The following UGGT1 variants were observed in gnomAD, a reference collection of about 807,000 sequenced individuals.
UGGT1 encodes the protein UDP-glucose glycoprotein glucosyltransferase 1, also known as UDP-glucose:glycoprotein glucosyltransferase 1.
UGGT1 carries 107 observed loss-of-function variants against 203.9 expected under a neutral mutation model. The ratio of observed to expected loss-of-function variants is 0.52; its 90% CI spans 0.45 to 0.62. The LOEUF (loss-of-function observed/expected upper bound fraction) is 0.62. Ranked by LOEUF, UGGT1 falls within the 20% of genes least tolerant of loss-of-function variation. The pLI is 0.00. For synonymous variants in UGGT1, 628 were observed against 653.5 expected, an observed-to-expected ratio of 0.96 and a Z score of 0.59; for missense variants, 1,673 against 1,867.2, an observed-to-expected ratio of 0.90 and a Z score of 1.92.
At chr2:128,188,140 C>T (rs1692079917) in intron 40 of UGGT1, among the ~76,000 whole-genome samples, 1 of 151,734 alleles carries the variant, frequency 6.6e-6, no homozygotes, top group African/African-American at 2.4e-5. Context: ...CATGCCTCAG[C>T]CTCCCAAGTA....
rs534806565 is a variant in UGGT1, at chr2:128,179,266, C to T, written c.3816-520C>T. ...CTAAAATAGTGACAATAATAACAAC[C>T]GAATTTGGTTAAATTCCTCCATTCA... On this transcript the variant is annotated intron_variant, in intron 34 of 40. Transcript: ENST00000259253. Among the ~76,000 whole-genome samples the T allele has an allele frequency of 7.2e-5, 11 of 152,210 alleles. No individual in the cohort carries two copies. The East Asian group carries it at 7.7e-4, about 11-fold the overall frequency.
chr2:128,157,249 C>A lies in UGGT1; in HGVS notation c.2261-3C>A, dbSNP rs1468580632. The A allele has an allele frequency of 6.2e-7, 1 of 1,612,566 alleles. No individual in the cohort carries two copies. Among genetic ancestry groups the A allele is most frequent in the East Asian group, 2.2e-5 (1 of 44,872 alleles). ...TCAATTAGCTGTTTTTGTTTTTCTA[C>A]AGATGATTCTTTTATTAGGCCAGTA... is the stretch of plus-strand genomic sequence containing the variant. On this transcript the variant is annotated splice_polypyrimidine_tract_variant and splice_region_variant and intron_variant, in intron 21 of 40. Coordinates refer to ENST00000259253, the MANE Select transcript of UGGT1 (RefSeq NM_020120.4).
chr2:128,135,343 T>C (rs1689082923), intron 15 of UGGT1, among the ~76,000 whole-genome samples: 2 of 152,266 alleles, frequency 1.3e-5, no homozygotes, highest in Non-Finnish European at 2.9e-5. Flanking sequence ...ACACAGCCTT[T>C]TGTAGATGCA....
chr2:128,119,324 G>C (rs2105385387), intron 8 of UGGT1, among the ~76,000 whole-genome samples: 1 of 152,160 alleles, frequency 6.6e-6, no homozygotes, highest in African/African-American at 2.4e-5. Flanking sequence ...GGGCGCGGTA[G>C]CTCACGCCTG....
chr2:128,131,182 G>A (rs1425794394), intron 13 of UGGT1, among the ~76,000 whole-genome samples: 1 of 140,636 alleles, frequency 7.1e-6, no homozygotes, highest in East Asian at 2.2e-4. Flanking sequence ...GCAGTGAGCC[G>A]AGATCAAGCC....
At chr2:128,157,670 C>G (rs149887036) in intron 22 of UGGT1, among the ~76,000 whole-genome samples, 3 of 152,102 alleles carry the variant, frequency 2.0e-5, no homozygotes, top group Admixed American at 2.0e-4. Flanking sequence ...TGTACTGTAT[C>G]GGGGAGATGG....
chr2:128,100,032 C>CCA (rs1687302328), intron 2 of UGGT1, among the ~76,000 whole-genome samples: 1 of 87,842 alleles, frequency 1.1e-5, no homozygotes, highest in Admixed American at 1.6e-4. Flanking sequence ...CCCCCCCCAC[C>CCA]CTACTTATTT....
intron 4 of UGGT1, among the ~76,000 whole-genome samples, chr2:128,109,192 T>G (rs972599252): frequency 6.6e-6 from 1 of 150,986 alleles, no homozygotes; most frequent in African/African-American, 2.4e-5. Context: ...GTGGCTGGCC[T>G]GTTTTTGCAT....
At position 128,120,255 on chromosome 2, in the gene UGGT1, G is replaced by T. The variant is rs1168527369; in HGVS notation, c.873-101G>T. On this transcript the variant is annotated intron_variant, in intron 8 of 40. Transcript: ENST00000259253. Reference sequence around the variant, plus strand: ...CCCTATGTCGTAGAAAATTTCCTAGGGTTGGGAGAGGAAAACCATGAAGAT... The same window carrying T: ...CCCTATGTCGTAGAAAATTTCCTAGTGTTGGGAGAGGAAAACCATGAAGAT... 15 of 1,068,408 alleles carry T rather than the reference G, an allele frequency of 1.4e-5. No homozygotes were observed. In the African/African-American group the frequency reaches 2.4e-4, roughly 17 times the overall value. 66.2% of individuals were successfully genotyped at this position (1,068,408 alleles called of 1,614,324 possible).
chr2:128,144,651 G>A (rs1376479280), intron 17 of UGGT1, among the ~76,000 whole-genome samples: 4 of 152,300 alleles, frequency 2.6e-5, no homozygotes, highest in African/African-American at 7.2e-5. Flanking sequence ...AAACTATGAT[G>A]TAGAGAAGTG....
chr2:128,091,471 A>T (rs1205142054), intron 1 of UGGT1, 56 bp downstream of exon 1: 2 of 1,545,548 alleles, frequency 1.3e-6, no homozygotes, highest in Admixed American at 4.0e-5. Flanking sequence ...TTGGGGCACA[A>T]GGCGACCCTG....
In UGGT1 at chr2:128,140,157, G is replaced by A. The variant is rs73955944; in HGVS notation, c.1719+1305G>A. ...AATCAAAATCGTCACCCATATGCAG[G>A]GTCAGCTTAGAGCTAGAGAAGCCAA... On this transcript the variant is annotated intron_variant, in intron 16 of 40. Transcript: ENST00000259253. The A allele has an allele frequency of 3.8e-3, 640 of 169,492 alleles. 6 individuals are homozygous for A. The highest frequency in any genetic ancestry group is 0.013 in the African/African-American group (558 of 42,288). 10.5% of individuals were successfully genotyped at this position (169,492 alleles called of 1,614,324 possible).
chr2:128,155,729 A>G (rs977761440), intron 20 of UGGT1, 142 bp downstream of exon 20: 5 of 551,360 alleles, frequency 9.1e-6, no homozygotes, highest in Middle Eastern at 4.7e-4. Context: ...TGAGTCTAGA[A>G]CATATCTATT....
chr2:128,133,104 C>T (rs1380663170), intron 13 of UGGT1, 37 bp from the exon 14 acceptor site: 1 of 1,605,010 alleles, frequency 6.2e-7, no homozygotes, highest in Non-Finnish European at 8.5e-7. Context: ...TAACTGGTTC[C>T]TAATGTGCAT....
At chr2:128,188,021 CTT>C (rs36115792) in intron 40 of UGGT1, among the ~76,000 whole-genome samples, 82 of 124,544 alleles carry the variant, frequency 6.6e-4, no homozygotes, top group African/African-American at 7.5e-4. Context: ...GTTGAAGAAA[CTT>C]TTTTTTTTTT....
At chr2:128,121,902 C>A (rs867504453) in intron 10 of UGGT1, among the ~76,000 whole-genome samples, 5 of 152,206 alleles carry the variant, frequency 3.3e-5, no homozygotes, top group African/African-American at 1.2e-4. Flanking sequence ...AATTAAAATA[C>A]CTGCCTTTCA....
rs1159090231 is a variant in UGGT1 at position 128,174,799 on chromosome 2, A to G, written c.3480A>G (p.Pro1160=). Residue 1160 remains proline (P), a synonymous_variant, in exon 31 of 41, where the codon CCA becomes CCG. Transcript: ENST00000259253. The stretch of plus-strand genomic sequence containing the variant: ...GCTACTTTCAGCTGAAAGCCAACCC[A>G]GGAGCTTGGATCCTCAGACTTAGGA... ...NLGYFQLKAN[P]GAWILRLRKG... is the part of the protein sequence containing the mutation. The G allele has an allele frequency of 1.9e-6, 3 of 1,614,020 alleles. No homozygotes were observed. Among genetic ancestry groups the G allele is most frequent in the Non-Finnish European group, 8.5e-7 (1 of 1,179,948 alleles).
chr2:128,148,573 A>G (rs1281340726), intron 18 of UGGT1, among the ~76,000 whole-genome samples: 3 of 152,170 alleles, frequency 2.0e-5, no homozygotes, highest in Admixed American at 1.3e-4. Context: ...GCAGTTGGCA[A>G]CTCTGCCTTA....
intron 26 of UGGT1, among the ~76,000 whole-genome samples, chr2:128,167,861 G>T (rs540290931): frequency 3.7e-4 from 56 of 151,930 alleles, no homozygotes; most frequent in African/African-American, 1.3e-3. Flanking sequence ...GTCAATTTGT[G>T]GTGTGCCTGT....
Sources: gnomAD v4.1 joint callset for allele counts (sites outside exome capture counted in the v4.1 genomes callset) on GRCh38, gnomAD v4.1.1 for gene constraint, MANE v1.5 for transcripts, NCBI Gene and HGNC (gene_info 2026-07-23, HGNC 2026-07-21) for gene names.